PNPLA6: variants seen among roughly 807,000 people sequenced by gnomAD.
PNPLA6 encodes the protein patatin like domain 6, lysophospholipase.
A neutral mutation model predicts 153.7 loss-of-function variants in PNPLA6; 105 were observed. The observed-to-expected ratio is 0.68, with a 90% CI of 0.58 to 0.80. The LOEUF is 0.80. Ranked by LOEUF, PNPLA6 falls within the 30% of genes least tolerant of loss-of-function variation. The probability of loss-of-function intolerance (pLI) is 0.00; values close to 1 mark genes in which losing one functional copy is unlikely to be tolerated. For missense variants in PNPLA6, 1,423 were observed against 1,919.3 expected (o/e 0.74, Z 4.83); for synonymous variants, 825 against 822.2 (o/e 1.00, Z -0.06).
At chr19:7,549,203 T>C (rs59900183) in intron 13 of PNPLA6, among the ~76,000 whole-genome samples, 95,984 of 143,620 alleles carry the variant, frequency 0.67, 32,814 homozygotes, top group South Asian at 0.78. Flanking sequence ...TTTTTTTTTT[T>C]TGAGACGGAG....
rs2023093834 is a variant in PNPLA6, at chr19:7,540,732, CA to C, written c.795+23del. On this transcript the variant is annotated intron_variant, in intron 6 of 31. Transcript: ENST00000600737. The surrounding 1 kb of genome is among the most constrained non-coding windows in gnomAD (Gnocchi z 6.8). ...CACCGTGAGTGACCAGTTTCTGAGG[CA>C]GGGGGGCTGGGGTGCAAGGTCCCAC... The C allele has an allele frequency of 2.5e-6, 4 of 1,599,424 alleles. No individual in the cohort carries two copies. The highest frequency in any genetic ancestry group is 1.3e-5 in the African/African-American group (1 of 74,596).
At chr19:7,557,552 G>C in intron 27 of PNPLA6, 1 of 491,008 alleles carries the variant, frequency 2.0e-6, no homozygotes, top group Non-Finnish European at 3.9e-6. Context: ...GGAGGCCTGA[G>C]GTGGGTGGAT....
rs564000938 is a variant in PNPLA6, at chr19:7,546,568, C to T, written c.1609-3339C>T. Among the ~76,000 whole-genome samples, 290 of 152,124 alleles carry T rather than the reference C, an allele frequency of 1.9e-3. 3 individuals carry two copies. The highest frequency in any genetic ancestry group is 6.5e-3 in the African/African-American group (269 of 41,514). ...CATAAGCCACTGCACCTGGCCATGCCCACCTAATTTTTGTATTTGTAGTAG... is the reference window on the plus strand; with the variant it reads ...CATAAGCCACTGCACCTGGCCATGCTCACCTAATTTTTGTATTTGTAGTAG... On this transcript the variant is annotated intron_variant, in intron 13 of 31. Transcript: ENST00000600737.
rs769099356 is a variant in PNPLA6, at chr19:7,557,218, C to T, written c.3331C>T (p.Pro1111Ser). ...CAGCATGACGCTGTCGGGCTACCTG[C>T]CCCCGCTGTGCGACCCCAAGGACGG... is the stretch of plus-strand genomic sequence containing the variant. ...RASMTLSGYL[P>S]PLCDPKDGHL... The change falls in exon 27 of 32, where the codon CCC becomes TCC. Residue 1111 changes from proline (P) to serine (S), a missense_variant. Pro to Ser is a moderately conservative substitution (Grantham distance 74, BLOSUM62 -1). Coordinates refer to ENST00000600737, the MANE Select transcript of PNPLA6 (RefSeq NM_001166114.2). The T allele has an allele frequency of 6.2e-7, 1 of 1,613,402 alleles. No individual in the cohort carries two copies. The highest frequency in any genetic ancestry group is 1.1e-5 in the South Asian group (1 of 91,086).
intron 15 of PNPLA6, 27 bp downstream of exon 15, chr19:7,550,456 C>T (rs1210488616): frequency 6.2e-7 from 1 of 1,612,030 alleles, no homozygotes. Flanking sequence ...GCTGCTCAGG[C>T]CCGGCCTAGG....
chr19:7,551,173 TAG>T, intron 17 of PNPLA6, 66 bp downstream of exon 17: 2 of 1,039,342 alleles, frequency 1.9e-6, no homozygotes, highest in Non-Finnish European at 2.8e-6. Flanking sequence ...GGGCCGGGCC[TAG>T]TGTGTGGGCG....
Position 7,542,088 on chromosome 19 carries a change from G to C in PNPLA6, c.1252+21G>C, listed in dbSNP as rs190069404. On this transcript the variant is annotated intron_variant, in intron 10 of 31. Coordinates refer to ENST00000600737, the MANE Select transcript of PNPLA6 (RefSeq NM_001166114.2). ...CTCAGGTTTGGAGCACTGGGTCTGCGGGGAGGGCCATGGAGCTTCCAGGTT... is the reference window on the plus strand; with the variant it reads ...CTCAGGTTTGGAGCACTGGGTCTGCCGGGAGGGCCATGGAGCTTCCAGGTT... 32 of 1,593,336 alleles carry C rather than the reference G, an allele frequency of 2.0e-5. No individual in the cohort carries two copies. In the African/African-American group the frequency reaches 2.4e-4, roughly 12 times the overall value.
intron 13 of PNPLA6, among the ~76,000 whole-genome samples, chr19:7,545,909 CAAAAAAAAAAA>C (rs554820974): frequency 2.5e-4 from 25 of 100,504 alleles, no homozygotes; most frequent in Admixed American, 1.1e-3. Context: ...GACCCTGTCT[CAAAAAAAAAAA>C]AAAAAAAAAA....
chr19:7,546,335 G>A (rs1410581839), intron 13 of PNPLA6, among the ~76,000 whole-genome samples: 1 of 152,014 alleles, frequency 6.6e-6, no homozygotes, highest in Non-Finnish European at 1.5e-5. Flanking sequence ...CCCATTTAAA[G>A]TATATACTTT....
chr19:7,538,260 G>T lies in PNPLA6; in HGVS notation c.414-1658G>T, dbSNP rs148313886. 5.3e-3 allele frequency among the ~76,000 whole-genome samples: 799 copies of T among 152,190 alleles called. 3 individuals carry two copies. Among genetic ancestry groups the T allele is most frequent in the Non-Finnish European group, 8.7e-3 (593 of 68,004 alleles). Reference sequence around the variant, plus strand: ...AGTGGCACAATCACAGCTCACTGCAGCCTTTACCTCCTGGGCTCAAGAGAT... The same window carrying T: ...AGTGGCACAATCACAGCTCACTGCATCCTTTACCTCCTGGGCTCAAGAGAT... On this transcript the variant is annotated intron_variant, in intron 3 of 31. Coordinates refer to ENST00000600737, the MANE Select transcript of PNPLA6 (RefSeq NM_001166114.2).
At chr19:7,553,337 T>G (rs975751715) in intron 18 of PNPLA6, among the ~76,000 whole-genome samples, 2 of 152,176 alleles carry the variant, frequency 1.3e-5, no homozygotes, top group Non-Finnish European at 2.9e-5. Flanking sequence ...CTGCAACCTC[T>G]GCCTCCCAGG....
chr19:7,550,626 G>A lies in PNPLA6; in HGVS notation c.2056G>A (p.Asp686Asn). 1 of 1,611,342 alleles carries A rather than the reference G, an allele frequency of 6.2e-7. No individual in the cohort carries two copies. The highest frequency in any genetic ancestry group is 8.5e-7 in the Non-Finnish European group (1 of 1,179,758). The change falls in exon 16 of 32, where the codon GAC (aspartate) becomes AAC (asparagine). Residue 686 changes from aspartate (D) to asparagine (N), a missense_variant. Physicochemically the swap from Asp to Asn is conservative, Grantham distance 23 (BLOSUM62 1). Coordinates refer to ENST00000600737, the MANE Select transcript of PNPLA6 (RefSeq NM_001166114.2). ...GCTGGTGGGCGAGTACGGCCGCGGC[G>A]ACCTCATCGGCGTGGTGAGCGCGAC... The part of the protein sequence containing the change: ...KELVGEYGRG[D>N]LIGVVEALTR...
Position 7,561,076 on chromosome 19 carries a change from C to G in PNPLA6, c.3879C>G (p.Pro1293=), listed in dbSNP as rs2024079952. 14 of 1,613,290 alleles carry G rather than the reference C, an allele frequency of 8.7e-6. No homozygotes were observed. Among genetic ancestry groups the G allele is most frequent in the Non-Finnish European group, 1.1e-5 (13 of 1,179,714 alleles). The change falls in exon 30 of 32, where the codon CCC becomes CCG. Residue 1293 remains proline (P), a synonymous_variant. Coordinates refer to ENST00000600737, the MANE Select transcript of PNPLA6 (RefSeq NM_001166114.2). The part of the protein sequence containing the change: ...DLAEIVSRIE[P]PTSYVSDGCA... ...CAGAGATTGTGTCCCGGATTGAGCC[C>G]CCCACGAGCTATGTCTCTGATGGCT...
chr19:7,549,363 T>C (rs1193342003), intron 13 of PNPLA6, among the ~76,000 whole-genome samples: 1 of 149,416 alleles, frequency 6.7e-6, no homozygotes, highest in Non-Finnish European at 1.5e-5. Context: ...ATTTTTTGTA[T>C]TTTCAGTAGA....
chr19:7,550,793 T>C, intron 16 of PNPLA6, 153 bp downstream of exon 16: 6 of 1,068,068 alleles, frequency 5.6e-6, no homozygotes, highest in Non-Finnish European at 8.0e-6. Context: ...CCTCATTTCG[T>C]TGGAAAAAGG....
intron 29 of PNPLA6, 55 bp from the exon 30 acceptor site, chr19:7,560,959 G>T: frequency 8.5e-7 from 1 of 1,181,974 alleles, no homozygotes; most frequent in East Asian, 2.5e-5. Context: ...GGCCCCCCAG[G>T]GGCCCCAAGA....
At position 7,554,976 on chromosome 19, in the gene PNPLA6, G is replaced by C. The variant is rs372391232; in HGVS notation, c.2718G>C (p.Thr906=). 5.0e-6 allele frequency: 8 copies of C among 1,591,726 alleles called. No homozygotes were observed. The African/African-American group carries it at 1.1e-4, about 21-fold the overall frequency. ...LLHREEGAGP[T]RTVEWLNMRS... ...ACCGAGAGGAGGGCGCGGGCCCCACGCGCACCGTGGAGTGGCTAAATATGC... is the reference window on the plus strand; with the variant it reads ...ACCGAGAGGAGGGCGCGGGCCCCACCCGCACCGTGGAGTGGCTAAATATGC... Residue 906 remains threonine (T), a synonymous_variant, in exon 22 of 32, where the codon ACG becomes ACC. Coordinates refer to ENST00000600737, the MANE Select transcript of PNPLA6 (RefSeq NM_001166114.2).
In PNPLA6 at chr19:7,541,720, C is replaced by T; in HGVS notation, c.1168+36C>T. 1 of 1,546,790 alleles carries T rather than the reference C, an allele frequency of 6.5e-7. No homozygotes were observed. The highest frequency in any genetic ancestry group is 8.7e-7 in the Non-Finnish European group (1 of 1,149,522). ...ACCCGAGGCCAGCCGAGCCCAATCT[C>T]CCAGGAAGCCCCGTCTCAGCCGCCA... On this transcript the variant is annotated intron_variant, in intron 9 of 31. Transcript: ENST00000600737. This position sits in a 1 kb window ranked among gnomAD's most constrained non-coding sequence, Gnocchi z 5.2.
intron 27 of PNPLA6, chr19:7,557,558 T>C: frequency 2.1e-6 from 1 of 473,088 alleles, no homozygotes; most frequent in Non-Finnish European, 4.0e-6. Context: ...CTGAGGTGGG[T>C]GGATCACCTG....
Sources: allele counts gnomAD v4.1 joint callset (sites outside exome capture counted in the v4.1 genomes callset), GRCh38; gene constraint gnomAD v4.1.1; non-coding constraint Gnocchi (gnomAD v3.1); transcripts MANE v1.5; gene names NCBI Gene and HGNC (gene_info 2026-07-23, HGNC 2026-07-21).